Variants in DZIP1 observed in about 807,000 individuals in gnomAD.
The protein encoded by DZIP1 is DAZ interacting zinc finger protein 1, also known as cilium assembly protein DZIP1.
In DZIP1, 97 loss-of-function variants were observed where a neutral mutation model predicts 107.6. The observed-to-expected ratio is 0.90, with a 90% CI of 0.77 to 1.07. DZIP1 has a LOEUF of 1.07. Ranked by LOEUF, DZIP1 falls within the 50% of genes least tolerant of loss-of-function variation. The probability of loss-of-function intolerance (pLI) is 0.00; values close to 1 mark genes in which losing one functional copy is unlikely to be tolerated. For missense variants in DZIP1, 1,035 were observed against 1,063.6 expected, an observed-to-expected ratio of 0.97 and a Z score of 0.37; for synonymous variants, 390 against 386.4, an observed-to-expected ratio of 1.01 and a Z score of -0.11.
intron 15 of DZIP1, among the ~76,000 whole-genome samples, chr13:95,597,003 C>T (rs375315599): frequency 6.6e-6 from 1 of 152,356 alleles, no homozygotes; most frequent in African/African-American, 2.4e-5. Context: ...CCTCAGCACT[C>T]TCCTGTCTAC....
intron 13 of DZIP1, among the ~76,000 whole-genome samples, chr13:95,609,016 A>T (rs1241553107): frequency 6.6e-6 from 1 of 152,254 alleles, no homozygotes; most frequent in Non-Finnish European, 1.5e-5. Flanking sequence ...GAATCTTGAC[A>T]GCTCCGGGAG....
At chr13:95,625,968 A>T (rs77517393) in intron 7 of DZIP1, among the ~76,000 whole-genome samples, 42 of 141,208 alleles carry the variant, frequency 3.0e-4, no homozygotes, top group Admixed American at 1.1e-3. Context: ...ACCAAAAATT[A>T]AAAAAAAAAA....
chr13:95,607,107 C>T (rs1218477075), intron 13 of DZIP1, among the ~76,000 whole-genome samples: 8 of 152,114 alleles, frequency 5.3e-5, no homozygotes, highest in Non-Finnish European at 1.2e-4. Flanking sequence ...AGTGCAGTGG[C>T]ATGATCTCAG....
rs371146824 is a variant in DZIP1 at position 95,594,011 on chromosome 13, G to A, written c.1613C>T (p.Thr538Ile). 6.2e-6 allele frequency: 10 copies of A among 1,611,840 alleles called. No individual in the cohort carries two copies. Among genetic ancestry groups the A allele is most frequent in the African/African-American group, 1.3e-5 (1 of 74,790 alleles). ...CTCCACCATTGTTCTTAGTCCCTTA[G>A]TGAGGGAGGAGTTACTCTTCAAAGC... The part of the protein sequence containing the change: ...RKALKSNSSL[T>I]KGLRTMVEQN... The change falls in exon 16 of 23, where the codon ACT (threonine) becomes ATT (isoleucine). Residue 538 changes from threonine (T) to isoleucine (I), a missense_variant. Physicochemically the swap from Thr to Ile is moderately conservative, Grantham distance 89. Transcript: ENST00000376829.
Position 95,579,739 on chromosome 13 carries a change from A to T in DZIP1, c.*2495T>A, listed in dbSNP as rs2043988655. 1 of 152,186 alleles carries T rather than the reference A, an allele frequency of 6.6e-6. No homozygotes were observed. The allele number at this position is 152,186 out of a possible 1,614,324, so 9.4% of individuals were successfully genotyped here. A position where few individuals can be genotyped will look rare whatever the true frequency, so the allele number is the denominator to read the frequency against. On this transcript the variant is annotated 3_prime_UTR_variant, in exon 23 of 23. Transcript: ENST00000376829. Reference sequence around the variant, plus strand: ...ACAAGTTTGTTAAAAGATAAAAAATAAAAAAAATTCCATACCTTGATAATC... The same window carrying T: ...ACAAGTTTGTTAAAAGATAAAAAATTAAAAAAATTCCATACCTTGATAATC...
chr13:95,629,655 C>T (rs541314695), intron 7 of DZIP1, among the ~76,000 whole-genome samples: 1 of 152,298 alleles, frequency 6.6e-6, no homozygotes, highest in Admixed American at 6.5e-5. Context: ...GTTCTATAGC[C>T]TCTACCAAGG....
chr13:95,641,726 GC>G lies in DZIP1; in HGVS notation c.165del (p.Phe57SerfsTer16). The G allele has an allele frequency of 6.3e-7, 1 of 1,597,622 alleles. No individual in the cohort carries two copies. ...AGCCGCGGCCTGAACTGGAAGAAGG[GC>G]AGGGGCCCCGAAGCCGCGCTGGGGG... ...CAPPSAASGPLPFFQFRPRLE... is the reference protein window; with the variant it reads ...CAPPSAASGPXPFFQFRPRLE... On this transcript the variant is annotated frameshift_variant, in exon 5 of 23. Transcript: ENST00000376829. LOFTEE classifies it high-confidence loss of function. This position sits in a 1 kb window ranked among gnomAD's most constrained non-coding sequence, Gnocchi z 4.3.
At chr13:95,614,565 C>T (rs760558794) in intron 10 of DZIP1, among the ~76,000 whole-genome samples, 15 of 152,032 alleles carry the variant, frequency 9.9e-5, no homozygotes, top group South Asian at 2.1e-4. Context: ...CAGAAAGGCA[C>T]GGAAAAGAGT....
Position 95,586,137 on chromosome 13 carries a change from C to T in DZIP1, c.2219-1G>A, listed in dbSNP as rs1594640165. Reference sequence around the variant, plus strand: ...TCAGTAGGTGTTTTAACGGCGACTCCTATAAGATCAATAAAAATTAGGCAA... The same window carrying T: ...TCAGTAGGTGTTTTAACGGCGACTCTTATAAGATCAATAAAAATTAGGCAA... On this transcript the variant is annotated splice_acceptor_variant, in intron 20 of 22. Coordinates refer to ENST00000376829, the MANE Select transcript of DZIP1 (RefSeq NM_198968.4). LOFTEE classifies it high-confidence loss of function. The T allele has an allele frequency of 6.3e-6, 10 of 1,585,558 alleles. No homozygotes were observed. Among genetic ancestry groups the T allele is most frequent in the Non-Finnish European group, 8.5e-6 (10 of 1,171,762 alleles).
chr13:95,638,520 C>T (rs1878090085), intron 5 of DZIP1, among the ~76,000 whole-genome samples: 1 of 152,018 alleles, frequency 6.6e-6, no homozygotes, highest in Non-Finnish European at 1.5e-5. Flanking sequence ...TTTAAAATCC[C>T]CCATATATGG....
intron 15 of DZIP1, among the ~76,000 whole-genome samples, chr13:95,597,347 A>G (rs1359715916): frequency 1.3e-5 from 2 of 152,192 alleles, no homozygotes; most frequent in Non-Finnish European, 2.9e-5. Context: ...CATGTCTCAC[A>G]GATTCTTCAA....
intron 6 of DZIP1, chr13:95,630,829 T>C (rs778065161): frequency 3.2e-5 from 32 of 1,004,214 alleles, no homozygotes; most frequent in East Asian, 6.0e-5. Flanking sequence ...GAAATAATAC[T>C]CGTTTCAGAG....
intron 15 of DZIP1, among the ~76,000 whole-genome samples, chr13:95,595,529 G>A (rs1050697241): frequency 1.2e-4 from 18 of 152,114 alleles, no homozygotes; most frequent in African/African-American, 4.1e-4. Flanking sequence ...AACCACCAAT[G>A]TTTACAAATA....
At chr13:95,607,742 G>C (rs1037411399) in intron 13 of DZIP1, among the ~76,000 whole-genome samples, 4 of 151,928 alleles carry the variant, frequency 2.6e-5, no homozygotes, top group Admixed American at 2.0e-4. Flanking sequence ...AGAATCAAAA[G>C]ATCTGATGCT....
At chr13:95,601,626 C>T (rs2044618828) in intron 14 of DZIP1, among the ~76,000 whole-genome samples, 1 of 152,204 alleles carries the variant, frequency 6.6e-6, no homozygotes, top group Non-Finnish European at 1.5e-5. Flanking sequence ...GTAGCCACAG[C>T]TGTTCTCTGC....
intron 22 of DZIP1, chr13:95,584,467 C>T: frequency 1.9e-6 from 1 of 518,392 alleles, no homozygotes; most frequent in Non-Finnish European, 2.5e-6. Flanking sequence ...GTGACAATAA[C>T]ACCGTTTCAA....
intron 10 of DZIP1, among the ~76,000 whole-genome samples, chr13:95,616,264 T>C (rs1001881120): frequency 1.3e-5 from 2 of 152,190 alleles, no homozygotes; most frequent in Non-Finnish European, 2.9e-5. Flanking sequence ...GGTGGAAACG[T>C]GGACTAGTGT....
chr13:95,622,483 A>G lies in DZIP1; in HGVS notation c.973-3T>C, dbSNP rs1264662776. 3 of 1,614,112 alleles carry G rather than the reference A, an allele frequency of 1.9e-6. No individual in the cohort carries two copies. The highest frequency in any genetic ancestry group is 2.5e-6 in the Non-Finnish European group (3 of 1,180,016). On this transcript the variant is annotated splice_region_variant and splice_polypyrimidine_tract_variant and intron_variant, in intron 8 of 22. Coordinates refer to ENST00000376829, the MANE Select transcript of DZIP1 (RefSeq NM_198968.4). ...GACTTCTGGATTTCTGACAGTTGCT[A>G]TAAGATAAAATTCAAGCTCAGTACT...
chr13:95,642,633 T>C (rs1374374943), intron 3 of DZIP1, among the ~76,000 whole-genome samples: 1 of 152,228 alleles, frequency 6.6e-6, no homozygotes, highest in Non-Finnish European at 1.5e-5. Context: ...ATGAGGAAGC[T>C]TTTGGCATAA....
Sources: gnomAD v4.1 joint callset for allele counts (sites outside exome capture counted in the v4.1 genomes callset) on GRCh38, gnomAD v4.1.1 for gene constraint, Gnocchi (gnomAD v3.1) non-coding constraint, MANE v1.5 for transcripts, NCBI Gene and HGNC (gene_info 2026-07-23, HGNC 2026-07-21) for gene names.